The following SHISA9 variants were observed in gnomAD, a reference collection of about 807,000 sequenced individuals.
SHISA9 encodes protein shisa-9.
SHISA9 carries 13 observed loss-of-function variants against 38.0 expected under a neutral mutation model. The observed-to-expected ratio is 0.34, with a 90% CI of 0.22 to 0.54. The LOEUF is 0.54. SHISA9 is among the 20% of genes least tolerant of loss of function. The pLI, the probability that SHISA9 is intolerant of heterozygous loss-of-function variation, is 0.91. For missense variants in SHISA9, 538 were observed against 575.8 expected, an observed-to-expected ratio of 0.93 and a Z score of 0.67; for synonymous variants, 275 against 242.0, an observed-to-expected ratio of 1.14 and a Z score of -1.27.
At chr16:13,532,705 TC>T in the SHISA9 span, among the ~76,000 whole-genome samples, 1 of 152,118 alleles carries the variant, frequency 6.6e-6, no homozygotes, top group Admixed American at 6.5e-5. Flanking sequence ...TTCTTTTCCT[TC>T]CTGCTTCCAA....
At chr16:13,118,200 AG>A (rs1227415743) in intron 2 of SHISA9, among the ~76,000 whole-genome samples, 3 of 150,496 alleles carry the variant, frequency 2.0e-5, no homozygotes, top group Non-Finnish European at 3.0e-5. Context: ...AAAAAAAAAA[AG>A]CTCACAATCT....
chr16:13,370,723 G>A, the SHISA9 span, among the ~76,000 whole-genome samples: 7 of 152,032 alleles, frequency 4.6e-5, no homozygotes, highest in Non-Finnish European at 1.0e-4. Context: ...TGTTTGGTTA[G>A]TGCTGAAAAG....
At chr16:12,996,230 A>T (rs2072455552) in intron 2 of SHISA9, among the ~76,000 whole-genome samples, 1 of 152,204 alleles carries the variant, frequency 6.6e-6, no homozygotes, top group Admixed American at 6.5e-5. Context: ...TTCAAATTAA[A>T]TTAATTTCCA....
At chr16:12,969,731 A>G (rs1159195020) in intron 2 of SHISA9, among the ~76,000 whole-genome samples, 1 of 152,182 alleles carries the variant, frequency 6.6e-6, no homozygotes, top group Non-Finnish European at 1.5e-5. Context: ...TGGGAGACAG[A>G]GCCAGACTCT....
the SHISA9 span, among the ~76,000 whole-genome samples, chr16:13,371,179 A>G: frequency 7.9e-5 from 12 of 152,198 alleles, no homozygotes; most frequent in African/African-American, 2.9e-4. Flanking sequence ...CAAAGCTACT[A>G]TGTAGCAGAG....
chr16:13,063,586 C>T (rs1295970846), intron 2 of SHISA9, among the ~76,000 whole-genome samples: 1 of 152,174 alleles, frequency 6.6e-6, no homozygotes, highest in East Asian at 1.9e-4. Flanking sequence ...CTGGGTCCTT[C>T]AGCATCCTCT....
the SHISA9 span, among the ~76,000 whole-genome samples, chr16:13,482,941 C>T: frequency 0.013 from 1,912 of 152,144 alleles, 41 homozygotes; most frequent in African/African-American, 0.044. Flanking sequence ...TGGCTGGTGC[C>T]CCAAGGCTGA....
chr16:13,330,220 A>G, the SHISA9 span, among the ~76,000 whole-genome samples: 1 of 152,222 alleles, frequency 6.6e-6, no homozygotes. Context: ...GACTATGTGC[A>G]TGCTGTCCTT....
chr16:13,491,818 C>CTT, the SHISA9 span, among the ~76,000 whole-genome samples: 83 of 44,534 alleles, frequency 1.9e-3, 12 homozygotes, highest in African/African-American at 3.4e-3. Flanking sequence ...ATTTATTGAC[C>CTT]TTTTTTTTTT....
the SHISA9 span, among the ~76,000 whole-genome samples, chr16:13,248,213 C>A: frequency 3.0e-4 from 46 of 152,088 alleles, no homozygotes; most frequent in African/African-American, 1.0e-3. Flanking sequence ...GACTTTTGGA[C>A]AAAATTTAGA....
At chr16:13,466,740 ATTCC>A in the SHISA9 span, among the ~76,000 whole-genome samples, 1 of 152,140 alleles carries the variant, frequency 6.6e-6, no homozygotes, top group African/African-American at 2.4e-5. Flanking sequence ...TTCTTCTTTT[ATTCC>A]TTTATCATGT....
At chr16:13,319,097 T>G in the SHISA9 span, among the ~76,000 whole-genome samples, 2 of 152,220 alleles carry the variant, frequency 1.3e-5, no homozygotes, top group African/African-American at 4.8e-5. Flanking sequence ...AACCACCGTT[T>G]TCCAGGTTCA....
chr16:13,485,469 T>A, the SHISA9 span, among the ~76,000 whole-genome samples: 2 of 152,198 alleles, frequency 1.3e-5, no homozygotes, highest in Non-Finnish European at 2.9e-5. Context: ...TCTCATACCA[T>A]ATTGCTTCCC....
the SHISA9 span, among the ~76,000 whole-genome samples, chr16:13,423,222 T>G: frequency 6.6e-6 from 1 of 152,228 alleles, no homozygotes; most frequent in Non-Finnish European, 1.5e-5. Flanking sequence ...GAGTGAAGGC[T>G]TCAATATTCC....
At chr16:13,328,302 CT>C in the SHISA9 span, among the ~76,000 whole-genome samples, 1 of 152,140 alleles carries the variant, frequency 6.6e-6, no homozygotes, top group Non-Finnish European at 1.5e-5. Flanking sequence ...TATTTTCGCC[CT>C]GGACAACACC....
At chr16:12,953,166 C>T (rs2071781976) in intron 2 of SHISA9, among the ~76,000 whole-genome samples, 1 of 143,868 alleles carries the variant, frequency 7.0e-6, no homozygotes, top group Non-Finnish European at 1.5e-5. Context: ...TGAGAGGAAC[C>T]TTAAAAAAAA....
At chr16:13,415,239 G>A in the SHISA9 span, among the ~76,000 whole-genome samples, 21 of 152,254 alleles carry the variant, frequency 1.4e-4, no homozygotes, top group South Asian at 6.2e-4. Context: ...CATATACACC[G>A]TGGAATACTA....
intron 2 of SHISA9, among the ~76,000 whole-genome samples, chr16:13,156,885 C>T (rs1320172880): frequency 6.6e-6 from 1 of 152,212 alleles, no homozygotes; most frequent in Non-Finnish European, 1.5e-5. Flanking sequence ...TTGCGCTTCT[C>T]CACATCATGT....
intron 2 of SHISA9, among the ~76,000 whole-genome samples, chr16:13,098,209 G>A (rs1285764608): frequency 6.6e-6 from 1 of 152,100 alleles, no homozygotes; most frequent in Admixed American, 6.6e-5. Flanking sequence ...ATGACACTTA[G>A]GGCCTCAGGC....
Sources: gnomAD v4.1 joint callset for allele counts (sites outside exome capture counted in the v4.1 genomes callset) on GRCh38, gnomAD v4.1.1 for gene constraint, MANE v1.5 for transcripts, NCBI Gene and HGNC (gene_info 2026-07-23, HGNC 2026-07-21) for gene names.